The following PRAG1 variants were observed in gnomAD, a reference collection of about 807,000 sequenced individuals.
PRAG1 encodes the protein PEAK1 related, kinase-activating pseudokinase 1, also known as inactive tyrosine-protein kinase PRAG1.
In PRAG1, 110 loss-of-function variants were observed where a neutral mutation model predicts 95.6. The observed-to-expected ratio is 1.15, with a 90% CI of 0.99 to 1.35. The LOEUF is 1.35. Ranked by LOEUF, PRAG1 falls within the 40% of genes most tolerant of loss-of-function variation. The pLI, the probability that PRAG1 is intolerant of heterozygous loss-of-function variation, is 0.00. For synonymous variants in PRAG1, 1,052 were observed against 819.4 expected (o/e 1.28, Z -4.85); for missense variants, 2,554 against 1,864.7 (o/e 1.37, Z -6.81).
At chr8:8,349,583 G>A (rs913467688) in intron 3 of PRAG1, among the ~76,000 whole-genome samples, 1 of 151,998 alleles carries the variant, frequency 6.6e-6, no homozygotes, top group Non-Finnish European at 1.5e-5. Flanking sequence ...CGCCCGGCCG[G>A]TTTCTATTAT....
At chr8:8,349,172 A>G (rs944522446) in intron 3 of PRAG1, among the ~76,000 whole-genome samples, 11 of 152,226 alleles carry the variant, frequency 7.2e-5, no homozygotes, top group African/African-American at 2.7e-4. Context: ...AATTTTCACA[A>G]ATCTTGTAGT....
rs138047266 is a variant in PRAG1, at chr8:8,363,128, C to A, written c.2162+13119G>T. 5.5e-3 allele frequency among the ~76,000 whole-genome samples: 822 copies of A among 149,112 alleles called. 8 individuals are homozygous for A. Among genetic ancestry groups the A allele is most frequent in the African/African-American group, 0.019 (762 of 40,888 alleles). On this transcript the variant is annotated intron_variant, in intron 3 of 5. Transcript: ENST00000615670. The stretch of plus-strand genomic sequence containing the variant: ...ATATACTTATATATAATATACTTAT[C>A]CTTTTACACTTAATGACTATATAAG...
chr8:8,341,595 T>A (rs1323210735), intron 3 of PRAG1, among the ~76,000 whole-genome samples: 1 of 152,218 alleles, frequency 6.6e-6, no homozygotes, highest in Admixed American at 6.5e-5. Flanking sequence ...TCTACATCTA[T>A]GGGAAAAAAA....
At chr8:8,320,922 G>A (rs1217214643) in intron 5 of PRAG1, among the ~76,000 whole-genome samples, 1 of 152,212 alleles carries the variant, frequency 6.6e-6, no homozygotes, top group East Asian at 1.9e-4. Context: ...TAATTGTCGG[G>A]AATGGTGGGT....
In PRAG1 at chr8:8,381,513, A is replaced by G; in HGVS notation, c.235T>C (p.Tyr79His). Residue 79 changes from tyrosine (Y) to histidine (H), a missense_variant, in exon 2 of 6, where the codon TAC (tyrosine) becomes CAC (histidine). Tyr to His is a moderately conservative substitution (Grantham distance 83). Transcript: ENST00000615670. ...TTCACGGCAATTGTGGGCTTGGAGTAAGGTGAGCTGTTCACACCTTCATCT... is the reference window on the plus strand; with the variant it reads ...TTCACGGCAATTGTGGGCTTGGAGTGAGGTGAGCTGTTCACACCTTCATCT... ...LEDEGVNSSP[Y>H]SKPTIAVKPT... The G allele has an allele frequency of 6.2e-7, 1 of 1,614,248 alleles. No individual in the cohort carries two copies. The highest frequency in any genetic ancestry group is 1.7e-5 in the Admixed American group (1 of 60,036).
At position 8,377,915 on chromosome 8, in the gene PRAG1, T is replaced by G. The variant is rs747430841; in HGVS notation, c.494A>C (p.His165Pro). The change falls in exon 3 of 6, where the codon CAC (histidine) becomes CCC (proline). Residue 165 changes from histidine (H) to proline (P), a missense_variant. By Grantham distance (77) the His-to-Pro change is moderately conservative. Transcript: ENST00000615670. Reference sequence around the variant, plus strand: ...CCTCTCGCCGCGGGGCTCAAGGTTGTGCAGGCCGACCATGGTGTAAGCTGG... The same window carrying G: ...CCTCTCGCCGCGGGGCTCAAGGTTGGGCAGGCCGACCATGGTGTAAGCTGG... ...CPPAYTMVGLHNLEPRGERNI... is the reference protein window; with the variant it reads ...CPPAYTMVGLPNLEPRGERNI... 2.5e-6 allele frequency: 4 copies of G among 1,614,072 alleles called. No individual in the cohort carries two copies. Among genetic ancestry groups the G allele is most frequent in the Admixed American group, 1.7e-5 (1 of 60,010 alleles).
chr8:8,337,371 T>C (rs761491525), intron 4 of PRAG1, among the ~76,000 whole-genome samples: 1 of 152,194 alleles, frequency 6.6e-6, no homozygotes, highest in Admixed American at 6.5e-5. Context: ...GCTGCCTTGG[T>C]AAGCGGTGAG....
At chr8:8,363,805 G>A (rs1019136693) in intron 3 of PRAG1, among the ~76,000 whole-genome samples, 1 of 152,068 alleles carries the variant, frequency 6.6e-6, no homozygotes, top group Non-Finnish European at 1.5e-5. Flanking sequence ...CAGACATAGT[G>A]TTATTTTATG....
Position 8,318,331 on chromosome 8 carries a change from G to T in PRAG1, c.4044C>A (p.Cys1348Ter), listed in dbSNP as rs373606217. 3 of 1,614,116 alleles carry T rather than the reference G, an allele frequency of 1.9e-6. No individual in the cohort carries two copies. Among genetic ancestry groups the T allele is most frequent in the East Asian group, 2.2e-5 (1 of 44,874 alleles). ...QQPGTSEEALCGTLHNWIDMK... is the reference protein window; with the variant it reads ...QQPGTSEEAL Reference sequence around the variant, plus strand: ...TGTCGATCCAGTTGTGCAGCGTGCCGCACAGCGCCTCCTCCGAGGTGCCCG... The same window carrying T: ...TGTCGATCCAGTTGTGCAGCGTGCCTCACAGCGCCTCCTCCGAGGTGCCCG... The change falls in exon 6 of 6, where the codon TGC (cysteine) becomes TGA (stop). Residue 1348 changes from cysteine to a stop codon, truncating the protein, a stop_gained. Transcript: ENST00000615670. LOFTEE classifies it high-confidence loss of function. This position sits in a 1 kb window ranked among gnomAD's most constrained non-coding sequence, Gnocchi z 4.2.
intron 4 of PRAG1, among the ~76,000 whole-genome samples, chr8:8,338,014 G>A (rs900357048): frequency 6.6e-6 from 1 of 152,038 alleles, no homozygotes; most frequent in African/African-American, 2.4e-5. Flanking sequence ...AACCTGGAAA[G>A]CCCTCTCCTC....
chr8:8,328,168 G>C lies in PRAG1; in HGVS notation c.2614C>G (p.His872Asp). Residue 872 changes from histidine to aspartate, a missense_variant, in exon 5 of 6, where the codon CAC becomes GAC. Coordinates refer to ENST00000615670, the MANE Select transcript of PRAG1 (RefSeq NM_001080826.3). Reference sequence around the variant, plus strand: ...TCGGAAGAGGAGAAGACAGGATGGTGGCGGTTCCCGGGGCTCAACGAATAG... The same window carrying C: ...TCGGAAGAGGAGAAGACAGGATGGTCGCGGTTCCCGGGGCTCAACGAATAG... ...FSYSLSPGNR[H>D]HPVFSSSDPL... 1.9e-6 allele frequency: 3 copies of C among 1,614,224 alleles called. No homozygotes were observed. The highest frequency in any genetic ancestry group is 2.5e-6 in the Non-Finnish European group (3 of 1,180,042).
At position 8,350,080 on chromosome 8, in the gene PRAG1, A is replaced by G. The variant is rs569749307; in HGVS notation, c.2163-10445T>C. 2.6e-5 allele frequency among the ~76,000 whole-genome samples: 4 copies of G among 152,306 alleles called. No homozygotes were observed. The East Asian group carries it at 5.8e-4, about 22-fold the overall frequency. On this transcript the variant is annotated intron_variant, in intron 3 of 5. Transcript: ENST00000615670. ...AAGTGTACCCTGATTATATACAGAT[A>G]TACTTTAGCATGAGAGATAGAAACA...
rs769093894 is a variant in PRAG1, at chr8:8,376,915, C to T, written c.1494G>A (p.Gly498=). 1.1e-5 allele frequency: 17 copies of T among 1,613,270 alleles called. No individual in the cohort carries two copies. The East Asian group carries it at 2.9e-4, about 27-fold the overall frequency. The change falls in exon 3 of 6, where the codon GGG becomes GGA. Residue 498 remains glycine (G), a synonymous_variant. Coordinates refer to ENST00000615670, the MANE Select transcript of PRAG1 (RefSeq NM_001080826.3). The stretch of plus-strand genomic sequence containing the variant: ...TCACAGGCCCTCGTGGCCACTGCAC[C>T]CCCACTGCAGAGTCAGGGCTGCTCA... The part of the protein sequence containing the change: ...IYLSSPDSAV[G]VQWPRGPVSQ...
intron 1 of PRAG1, among the ~76,000 whole-genome samples, chr8:8,383,848 C>T (rs1482411591): frequency 6.6e-6 from 1 of 152,138 alleles, no homozygotes; most frequent in Non-Finnish European, 1.5e-5. Flanking sequence ...TAATCTCAGG[C>T]CACAGAGAAC....
intron 1 of PRAG1, among the ~76,000 whole-genome samples, chr8:8,383,895 G>C (rs1466922631): frequency 1.3e-5 from 2 of 152,212 alleles, no homozygotes; most frequent in Non-Finnish European, 2.9e-5. Context: ...GGGGGAAAAA[G>C]CAGAGGAAGT....
At chr8:8,330,458 T>C (rs866687922) in intron 4 of PRAG1, among the ~76,000 whole-genome samples, 3 of 152,156 alleles carry the variant, frequency 2.0e-5, no homozygotes, top group Admixed American at 2.0e-4. Context: ...TTCCCTGTGG[T>C]TTATCAAGAT....
In PRAG1 at chr8:8,318,507, G is replaced by T; in HGVS notation, c.3868C>A (p.Leu1290Met). ...RDYRQEDLPP[L>M]PALSLYSPGL... ...GGTGAGTAGAGGGACAGCGCGGGCA[G>T]CGGCGGCAGGTCCTCCTGCCGGTAG... The change falls in exon 6 of 6, where the codon CTG (leucine) becomes ATG (methionine). Residue 1290 changes from leucine (L) to methionine (M), a missense_variant. Transcript: ENST00000615670. This position sits in a 1 kb window ranked among gnomAD's most constrained non-coding sequence, Gnocchi z 4.2. The T allele has an allele frequency of 6.2e-7, 1 of 1,611,482 alleles. No individual in the cohort carries two copies.
At chr8:8,334,664 C>CT (rs1798929585) in intron 4 of PRAG1, among the ~76,000 whole-genome samples, 1 of 149,408 alleles carries the variant, frequency 6.7e-6, no homozygotes, top group Non-Finnish European at 1.5e-5. Flanking sequence ...AAAACAGGCT[C>CT]TAAGTATCTC....
At chr8:8,368,921 G>GAA (rs76544389) in intron 3 of PRAG1, among the ~76,000 whole-genome samples, 7 of 115,214 alleles carry the variant, frequency 6.1e-5, no homozygotes, top group Non-Finnish European at 3.7e-5. Flanking sequence ...TGCTCAGGTT[G>GAA]AAAAAAAAAA....
Sources: allele counts gnomAD v4.1 joint callset (sites outside exome capture counted in the v4.1 genomes callset), GRCh38; gene constraint gnomAD v4.1.1; non-coding constraint Gnocchi (gnomAD v3.1); transcripts MANE v1.5; gene names NCBI Gene and HGNC (gene_info 2026-07-23, HGNC 2026-07-21).